DESI2: variants seen among roughly 807,000 people sequenced by gnomAD.
DESI2 encodes deubiquitinase DESI2.
A neutral mutation model predicts 24.1 loss-of-function variants in DESI2; 10 were observed. That is an observed-to-expected ratio of 0.41 (90% CI 0.26 to 0.70). The LOEUF (loss-of-function observed/expected upper bound fraction) is 0.70, where lower values mean the gene tolerates loss of function less well. DESI2 is among the 30% of genes least tolerant of loss of function. The pLI, the probability that DESI2 is intolerant of heterozygous loss-of-function variation, is 0.29. For synonymous variants in DESI2, 71 were observed against 87.7 expected (o/e 0.81, Z 1.06); for missense variants, 122 against 234.9 (o/e 0.52, Z 3.14).
chr1:244,684,459 C>A (rs1558661137), intron 1 of DESI2, among the ~76,000 whole-genome samples: 1 of 152,130 alleles, frequency 6.6e-6, no homozygotes, highest in Non-Finnish European at 1.5e-5. Flanking sequence ...TTTGTCATCC[C>A]ATACTTAACA....
chr1:244,658,834 G>GA (rs1558648683), intron 1 of DESI2, among the ~76,000 whole-genome samples: 1 of 152,078 alleles, frequency 6.6e-6, no homozygotes, highest in Non-Finnish European at 1.5e-5. Context: ...GAATGGGACA[G>GA]AAAAAAATCA....
rs181125220 is a variant in DESI2 at position 244,688,779 on chromosome 1, G to A, written c.116-470G>A. Among the ~76,000 whole-genome samples, 156 of 152,178 alleles carry A rather than the reference G, an allele frequency of 1.0e-3. 2 individuals carry two copies. Among genetic ancestry groups the A allele is most frequent in the African/African-American group, 3.5e-3 (147 of 41,538 alleles). On this transcript the variant is annotated intron_variant, in intron 2 of 4. Coordinates refer to ENST00000302550, the MANE Select transcript of DESI2 (RefSeq NM_016076.5). ...GAGAATTGAGTAGTGTTTTAGGTTT[G>A]GTAATGTTCCACCCTACTCAAAGAT...
chr1:244,700,432 TA>T (rs1677402560), intron 4 of DESI2, among the ~76,000 whole-genome samples: 1 of 152,182 alleles, frequency 6.6e-6, no homozygotes, highest in Non-Finnish European at 1.5e-5. Context: ...AGTTGGCTCA[TA>T]AGTCTTTTGA....
chr1:244,705,985 G>GT lies in DESI2; in HGVS notation c.*196_*197insT, dbSNP rs1677683925. ...CGCAGGAGGGAGAACTTTGTAAGAA[G>GT]CTGCCCTCTGTTTTTTTTATCCACT... On this transcript the variant is annotated 3_prime_UTR_variant, in exon 5 of 5. Transcript: ENST00000302550. 1.8e-6 allele frequency: 1 copy of GT among 564,890 alleles called. No homozygotes were observed. Among genetic ancestry groups the GT allele is most frequent in the Non-Finnish European group, 3.1e-6 (1 of 318,826 alleles). 35.0% of individuals were successfully genotyped at this position (564,890 alleles called of 1,614,324 possible).
intron 1 of DESI2, among the ~76,000 whole-genome samples, chr1:244,682,339 T>C (rs1050854872): frequency 6.6e-6 from 1 of 152,178 alleles, no homozygotes; most frequent in African/African-American, 2.4e-5. Context: ...TACAATCCTC[T>C]AGCTAGACAG....
chr1:244,676,083 A>AGT (rs1676404926), intron 1 of DESI2, among the ~76,000 whole-genome samples: 2 of 8,104 alleles, frequency 2.5e-4, no homozygotes, highest in African/African-American at 3.0e-4. Context: ...AAATACAATC[A>AGT]ATTTTTTTTT....
At chr1:244,680,928 A>G (rs537779221) in intron 1 of DESI2, among the ~76,000 whole-genome samples, 129 of 147,504 alleles carry the variant, frequency 8.7e-4, no homozygotes, top group Middle Eastern at 3.5e-3. Context: ...TCTATTAAAA[A>G]AAGAGCTTTC....
Position 244,705,545 on chromosome 1 carries a change from C to T in DESI2, c.352-11C>T, listed in dbSNP as rs1385009637. The T allele has an allele frequency of 1.2e-6, 2 of 1,607,190 alleles. No homozygotes were observed. Among genetic ancestry groups the T allele is most frequent in the Admixed American group, 1.7e-5 (1 of 60,010 alleles). The stretch of plus-strand genomic sequence containing the variant: ...TCTCTTACCTAATACAGAACTCTTT[C>T]TCTTCTGTAGATTCTTTGTGGGAAA... On this transcript the variant is annotated splice_polypyrimidine_tract_variant and intron_variant, in intron 4 of 4. Transcript: ENST00000302550.
intron 1 of DESI2, among the ~76,000 whole-genome samples, chr1:244,680,473 A>G (rs1370832964): frequency 3.3e-5 from 5 of 152,026 alleles, no homozygotes; most frequent in African/African-American, 4.8e-5. Flanking sequence ...AGAATGTCTC[A>G]TAGTCCAGAC....
At chr1:244,676,516 T>A (rs1573199233) in intron 1 of DESI2, among the ~76,000 whole-genome samples, 2 of 152,210 alleles carry the variant, frequency 1.3e-5, no homozygotes, top group East Asian at 3.9e-4. Flanking sequence ...TAATTTTACT[T>A]CTTTTTTTCC....
chr1:244,668,913 C>G (rs1676141706), intron 1 of DESI2, among the ~76,000 whole-genome samples: 1 of 152,128 alleles, frequency 6.6e-6, no homozygotes, highest in Admixed American at 6.6e-5. Flanking sequence ...ATTGCCTTCC[C>G]CCATATTTTA....
intron 1 of DESI2, among the ~76,000 whole-genome samples, chr1:244,668,750 G>A (rs969186814): frequency 3.9e-5 from 6 of 152,094 alleles, no homozygotes; most frequent in Non-Finnish European, 7.4e-5. Flanking sequence ...TTTAATGAAC[G>A]TTCTCTATCT....
intron 1 of DESI2, among the ~76,000 whole-genome samples, chr1:244,679,233 G>A (rs1676515183): frequency 6.6e-6 from 1 of 152,042 alleles, no homozygotes; most frequent in African/African-American, 2.4e-5. Flanking sequence ...GTAGAAATGG[G>A]GTTTCACCAT....
intron 2 of DESI2, 76 bp downstream of exon 2, chr1:244,686,745 G>A: frequency 1.1e-6 from 1 of 904,680 alleles, no homozygotes; most frequent in Non-Finnish European, 1.8e-6. Context: ...ATAACTATAG[G>A]TCTCTCTTTT....
intron 1 of DESI2, among the ~76,000 whole-genome samples, chr1:244,676,677 A>G (rs1289169947): frequency 6.6e-6 from 1 of 151,386 alleles, no homozygotes; most frequent in African/African-American, 2.4e-5. Context: ...TAAGTATGAT[A>G]TTAGCTGTGA....
intron 4 of DESI2, among the ~76,000 whole-genome samples, chr1:244,704,688 T>G (rs763381385): frequency 1.2e-4 from 19 of 152,200 alleles, no homozygotes; most frequent in Admixed American, 6.5e-4. Context: ...AGACGGAGTC[T>G]CACTCTGTTG....
chr1:244,665,337 C>T (rs1273643426), intron 1 of DESI2, among the ~76,000 whole-genome samples: 1 of 152,114 alleles, frequency 6.6e-6, no homozygotes, highest in Non-Finnish European at 1.5e-5. Context: ...AATCTGCGCT[C>T]CTAACTGTCA....
intron 4 of DESI2, among the ~76,000 whole-genome samples, chr1:244,704,664 T>TG (rs1491311468): frequency 3.2e-4 from 44 of 138,224 alleles, no homozygotes; most frequent in African/African-American, 9.1e-4. Context: ...GGGAAAACAC[T>TG]TTGTGTGTGT....
At chr1:244,704,100 TAAAATAAATGTAATAAGCATTA>T (rs1558138883) in intron 4 of DESI2, among the ~76,000 whole-genome samples, 2 of 152,188 alleles carry the variant, frequency 1.3e-5, no homozygotes, top group Non-Finnish European at 2.9e-5. Context: ...ACATACTATT[TAAAATAAATGTAATAAGCATTA>T]AGAGGTAGGG....
Sources: allele counts gnomAD v4.1 joint callset (sites outside exome capture counted in the v4.1 genomes callset), GRCh38; gene constraint gnomAD v4.1.1; transcripts MANE v1.5; gene names NCBI Gene and HGNC (gene_info 2026-07-23, HGNC 2026-07-21).